Variants in NSF observed in about 807,000 individuals in gnomAD.
NSF encodes N-ethylmaleimide sensitive factor, vesicle fusing ATPase.
In NSF, 14 loss-of-function variants were observed where a neutral mutation model predicts 50.3. The ratio of observed to expected loss-of-function variants is 0.28; its 90% CI spans 0.18 to 0.44. NSF has a LOEUF of 0.44. NSF is among the 20% of genes least tolerant of loss of function. The pLI is 1.00. For missense variants in NSF, 218 were observed against 504.3 expected (o/e 0.43, Z 5.44); for synonymous variants, 109 against 175.7 (o/e 0.62, Z 3.00).
chr17:46,711,807 G>A (rs2058722378), intron 14 of NSF, among the ~76,000 whole-genome samples: 1 of 152,200 alleles, frequency 6.6e-6, no homozygotes, highest in Admixed American at 6.5e-5. Context: ...ATTAAGCCAT[G>A]ACTTGACCAA....
At chr17:46,722,966 A>C (rs760820963) in intron 15 of NSF, among the ~76,000 whole-genome samples, 3 of 152,188 alleles carry the variant, frequency 2.0e-5, no homozygotes, top group African/African-American at 7.2e-5. Context: ...CAAGAACGTC[A>C]CTACTTGATA....
Position 46,756,332 on chromosome 17 carries a change from A to T in NSF, c.*509A>T, listed in dbSNP as rs1428683178. 6.6e-6 allele frequency: 1 copy of T among 152,504 alleles called. No individual in the cohort carries two copies. The highest frequency in any genetic ancestry group is 1.5e-5 in the Non-Finnish European group (1 of 68,240). 9.4% of individuals were successfully genotyped at this position (152,504 alleles called of 1,614,324 possible). On this transcript the variant is annotated 3_prime_UTR_variant, in exon 21 of 21. Transcript: ENST00000398238. The stretch of plus-strand genomic sequence containing the variant: ...CTGGGTATTTGGTTAAAGGTCTCCC[A>T]CAAGACTGGTATTCTCTTTGCCTGA...
At chr17:46,724,853 G>A (rs1159944765) in intron 15 of NSF, among the ~76,000 whole-genome samples, 1 of 151,988 alleles carries the variant, frequency 6.6e-6, no homozygotes, top group Non-Finnish European at 1.5e-5. Context: ...ATTTCTTCTT[G>A]AAGATGGCTT....
intron 17 of NSF, among the ~76,000 whole-genome samples, chr17:46,735,041 C>T (rs191185133): frequency 3.0e-4 from 45 of 152,296 alleles, no homozygotes; most frequent in Admixed American, 2.7e-3. Context: ...TAGAGCAAGA[C>T]TCTGTCTCTA....
intron 9 of NSF, among the ~76,000 whole-genome samples, chr17:46,687,214 T>C (rs2058500322): frequency 2.6e-5 from 2 of 78,006 alleles, no homozygotes; most frequent in Admixed American, 2.9e-4. Flanking sequence ...AGCTTAATTA[T>C]ATGATCCATC....
chr17:46,719,702 T>G lies in NSF; in HGVS notation c.1761+5716T>G, dbSNP rs2058808931. ...CCTTTATCCATTTTTGCATCAATACTTGTTTAAAAATCTATTTTACTAGTT... is the reference window on the plus strand; with the variant it reads ...CCTTTATCCATTTTTGCATCAATACGTGTTTAAAAATCTATTTTACTAGTT... On this transcript the variant is annotated intron_variant, in intron 15 of 20. Transcript: ENST00000398238. The surrounding 1 kb of genome is among the most constrained non-coding windows in gnomAD (Gnocchi z 4.3). Among the ~76,000 whole-genome samples the G allele has an allele frequency of 6.6e-6, 1 of 152,242 alleles. No homozygotes were observed. The highest frequency in any genetic ancestry group is 1.5e-5 in the Non-Finnish European group (1 of 68,048).
intron 17 of NSF, among the ~76,000 whole-genome samples, chr17:46,731,908 C>G (rs1335427791): frequency 6.6e-6 from 1 of 152,170 alleles, no homozygotes; most frequent in Non-Finnish European, 1.5e-5. Context: ...GTCATACCAC[C>G]TTGCTTTTTA....
intron 9 of NSF, among the ~76,000 whole-genome samples, chr17:46,687,615 C>G (rs62074079): frequency 0.12 from 18,449 of 149,808 alleles, 1 homozygote; most frequent in Non-Finnish European, 0.19. Context: ...TTGTTTCTCA[C>G]TGACCTTCCA....
At chr17:46,668,860 ATGTT>A (rs1426497087) in intron 8 of NSF, among the ~76,000 whole-genome samples, 1 of 131,878 alleles carries the variant, frequency 7.6e-6, no homozygotes, top group Non-Finnish European at 1.5e-5. Context: ...CTTTGGAACT[ATGTT>A]TGATTATACC....
chr17:46,712,861 A>G (rs540475782), intron 14 of NSF, among the ~76,000 whole-genome samples: 1 of 152,326 alleles, frequency 6.6e-6, no homozygotes, highest in South Asian at 2.1e-4. Flanking sequence ...AGCCAAGAAA[A>G]GAAACATATT....
chr17:46,725,285 A>G (rs1272047777), intron 15 of NSF, among the ~76,000 whole-genome samples: 1 of 152,222 alleles, frequency 6.6e-6, no homozygotes, highest in Non-Finnish European at 1.5e-5. Flanking sequence ...CATGAACAGA[A>G]TAAAGCTTTT....
At chr17:46,661,168 CT>C (rs1266103899) in intron 8 of NSF, among the ~76,000 whole-genome samples, 1 of 129,238 alleles carries the variant, frequency 7.7e-6, no homozygotes, top group Non-Finnish European at 1.6e-5. Flanking sequence ...GTCAGTTACC[CT>C]TGCACTACAG....
At chr17:46,622,528 A>G (rs2058076714) in intron 1 of NSF, among the ~76,000 whole-genome samples, 1 of 149,622 alleles carries the variant, frequency 6.7e-6, no homozygotes, top group South Asian at 2.1e-4. Flanking sequence ...CACGCCTGTA[A>G]TCCTAGCACT....
intron 17 of NSF, among the ~76,000 whole-genome samples, chr17:46,732,298 C>T (rs1197600323): frequency 6.6e-6 from 1 of 152,122 alleles, no homozygotes; most frequent in Non-Finnish European, 1.5e-5. Flanking sequence ...AGAATCCCTT[C>T]AGGGGCACTA....
intron 1 of NSF, among the ~76,000 whole-genome samples, chr17:46,609,872 C>A (rs1429913837): frequency 7.3e-6 from 1 of 137,072 alleles, no homozygotes; most frequent in Non-Finnish European, 1.6e-5. Context: ...GTCACCCAGT[C>A]TGGAATGCAG....
chr17:46,725,928 T>G (rs1254453717), intron 15 of NSF, among the ~76,000 whole-genome samples: 1 of 152,226 alleles, frequency 6.6e-6, no homozygotes, highest in Non-Finnish European at 1.5e-5. Flanking sequence ...GATTTGAAAT[T>G]ACTACATCCT....
Position 46,755,328 on chromosome 17 carries a change from C to T in NSF, c.2172C>T (p.Tyr724=), listed in dbSNP as rs2059222119. The change falls in exon 20 of 21, where the codon TAC becomes TAT. Residue 724 remains tyrosine, a synonymous_variant. Coordinates refer to ENST00000398238, the MANE Select transcript of NSF (RefSeq NM_006178.4). ...GATGTATTTAGATGGATCCTGAATACCGTGTGAGAAAATTCTTGGCCCTCT... is the reference window on the plus strand; with the variant it reads ...GATGTATTTAGATGGATCCTGAATATCGTGTGAGAAAATTCTTGGCCCTCT... ...IEMSLQMDPE[Y]RVRKFLALLR... 6.2e-7 allele frequency: 1 copy of T among 1,613,430 alleles called. No individual in the cohort carries two copies. The highest frequency in any genetic ancestry group is 8.5e-7 in the Non-Finnish European group (1 of 1,179,322).
Position 46,756,763 on chromosome 17 carries a change from C to G in NSF, c.*940C>G, listed in dbSNP as rs1190855389. 6.6e-6 allele frequency: 1 copy of G among 152,644 alleles called. No homozygotes were observed. Among genetic ancestry groups the G allele is most frequent in the East Asian group, 1.9e-4 (1 of 5,198 alleles). The allele number at this position is 152,644 out of a possible 1,614,324, so 9.5% of individuals were successfully genotyped here. Reference sequence around the variant, plus strand: ...CTTTATTTTAAATGATCTGTACTATCTAGTGTCTAAAACACTATTCTCCAG... The same window carrying G: ...CTTTATTTTAAATGATCTGTACTATGTAGTGTCTAAAACACTATTCTCCAG... On this transcript the variant is annotated 3_prime_UTR_variant, in exon 21 of 21. Coordinates refer to ENST00000398238, the MANE Select transcript of NSF (RefSeq NM_006178.4).
intron 20 of NSF, 137 bp downstream of exon 20, chr17:46,755,506 A>T (rs2059224255): frequency 1.3e-6 from 1 of 797,112 alleles, no homozygotes; most frequent in African/African-American, 1.7e-5. Context: ...TAGGTCCGAG[A>T]GACCAAGCAA....
Sources: gnomAD v4.1 joint callset for allele counts (sites outside exome capture counted in the v4.1 genomes callset) on GRCh38, gnomAD v4.1.1 for gene constraint, Gnocchi (gnomAD v3.1) non-coding constraint, MANE v1.5 for transcripts, NCBI Gene and HGNC (gene_info 2026-07-23, HGNC 2026-07-21) for gene names.